The following KLHL20 variants were observed in gnomAD, a reference collection of about 807,000 sequenced individuals.
The protein encoded by KLHL20 is kelch like family member 20.
A neutral mutation model predicts 69.5 loss-of-function variants in KLHL20; 29 were observed. That is an observed-to-expected ratio of 0.42 (90% confidence interval 0.31 to 0.57). KLHL20 has a LOEUF of 0.57. KLHL20 is among the 20% of genes least tolerant of loss of function. KLHL20 has a pLI of 0.18. For synonymous variants in KLHL20, 253 were observed against 265.2 expected, an observed-to-expected ratio of 0.95 and a Z score of 0.45; for missense variants, 419 against 776.0, an observed-to-expected ratio of 0.54 and a Z score of 5.47.
chr1:173,756,940 A>T, intron 6 of KLHL20, 36 bp from the exon 7 acceptor site: 1 of 1,596,266 alleles, frequency 6.3e-7, no homozygotes, highest in Non-Finnish European at 8.6e-7. Context: ...ATGCTTCAGG[A>T]TAGGATTCTC....
intron 10 of KLHL20, among the ~76,000 whole-genome samples, chr1:173,780,125 T>G (rs1323030412): frequency 6.6e-6 from 1 of 152,188 alleles, no homozygotes; most frequent in Non-Finnish European, 1.5e-5. Flanking sequence ...GGAACACCAC[T>G]GGAAGGTGTC....
At chr1:173,735,799 C>T (rs748148024) in intron 3 of KLHL20, among the ~76,000 whole-genome samples, 27 of 152,188 alleles carry the variant, frequency 1.8e-4, no homozygotes, top group South Asian at 1.0e-3. Flanking sequence ...GTCATTCTTA[C>T]GACTTTGCAT....
intron 7 of KLHL20, among the ~76,000 whole-genome samples, chr1:173,765,205 A>T (rs1417895238): frequency 1.3e-5 from 2 of 152,198 alleles, no homozygotes; most frequent in South Asian, 2.1e-4. Flanking sequence ...TAGGATTTTT[A>T]AAAATTAAGC....
rs181238470 is a variant in KLHL20 at position 173,758,417 on chromosome 1, C to T, written c.1151+1258C>T. Among the ~76,000 whole-genome samples, 6 of 152,266 alleles carry T rather than the reference C, an allele frequency of 3.9e-5. No individual in the cohort carries two copies. The East Asian group carries it at 7.7e-4, about 20-fold the overall frequency. On this transcript the variant is annotated intron_variant, in intron 7 of 11. Coordinates refer to ENST00000209884, the MANE Select transcript of KLHL20 (RefSeq NM_014458.4). ...CTGAAGCTCCAGACCGGGCAACATG[C>T]GGAGGCTTGATTGCAAATGTTAGCT...
chr1:173,724,522 A>G (rs1370155693), intron 2 of KLHL20, among the ~76,000 whole-genome samples: 1 of 152,214 alleles, frequency 6.6e-6, no homozygotes, highest in Admixed American at 6.5e-5. Context: ...TTTTCTCTGC[A>G]TGTTTATATA....
intron 2 of KLHL20, among the ~76,000 whole-genome samples, chr1:173,729,473 A>C (rs567348363): frequency 2.0e-5 from 3 of 152,248 alleles, no homozygotes; most frequent in Non-Finnish European, 2.9e-5. Context: ...AAAACTTCTC[A>C]ATAAAATACT....
At chr1:173,748,264 GA>G (rs1463247915) in intron 3 of KLHL20, among the ~76,000 whole-genome samples, 14 of 152,052 alleles carry the variant, frequency 9.2e-5, no homozygotes, top group Non-Finnish European at 1.9e-4. Context: ...AAGTCTTTCA[GA>G]AAAGGAGAAT....
intron 3 of KLHL20, among the ~76,000 whole-genome samples, chr1:173,735,749 C>T (rs1277682037): frequency 6.6e-6 from 1 of 151,968 alleles, no homozygotes; most frequent in African/African-American, 2.4e-5. Context: ...ATCTCTCACC[C>T]ACCTCCCACA....
At chr1:173,784,505 C>T (rs904021103) in intron 11 of KLHL20, among the ~76,000 whole-genome samples, 1 of 152,148 alleles carries the variant, frequency 6.6e-6, no homozygotes, top group African/African-American at 2.4e-5. Flanking sequence ...AAGTAATAGT[C>T]ATGAAATTAT....
At chr1:173,775,436 T>A (rs1346380732) in intron 9 of KLHL20, among the ~76,000 whole-genome samples, 198 bp from the exon 10 acceptor site, 1 of 152,208 alleles carries the variant, frequency 6.6e-6, no homozygotes, top group Non-Finnish European at 1.5e-5. Flanking sequence ...CTTTCCACTG[T>A]ACCATACCTA....
chr1:173,775,124 C>G (rs143451756), intron 9 of KLHL20, among the ~76,000 whole-genome samples: 3 of 152,200 alleles, frequency 2.0e-5, no homozygotes, highest in Non-Finnish European at 4.4e-5. Context: ...TTTGTTATTC[C>G]TTTCTATTTA....
rs560049957 is a variant in KLHL20, at chr1:173,742,765, C to A, written c.597+8479C>A. Among the ~76,000 whole-genome samples, 5 of 150,228 alleles carry A rather than the reference C, an allele frequency of 3.3e-5. No homozygotes were observed. In the East Asian group the frequency reaches 7.8e-4, roughly 24 times the overall value. On this transcript the variant is annotated intron_variant, in intron 3 of 11. Transcript: ENST00000209884. ...ATATATGTAAATATGTATATATACA[C>A]GTATATTTCAGCATATATATATGCT...
intron 9 of KLHL20, among the ~76,000 whole-genome samples, chr1:173,775,196 CGTCTT>C (rs148297748): frequency 0.025 from 3,852 of 152,232 alleles, 175 homozygotes; most frequent in African/African-American, 0.089. Context: ...AGATTCGTCA[CGTCTT>C]GTCTTCTCTT....
chr1:173,773,431 TTAA>T (rs1289393705), intron 8 of KLHL20, among the ~76,000 whole-genome samples: 1 of 149,464 alleles, frequency 6.7e-6, no homozygotes, highest in East Asian at 2.0e-4. Flanking sequence ...TAAATAAATA[TTAA>T]TTAAATAAAT....
chr1:173,769,538 C>T (rs1647949256), intron 8 of KLHL20, among the ~76,000 whole-genome samples: 1 of 152,030 alleles, frequency 6.6e-6, no homozygotes, highest in Non-Finnish European at 1.5e-5. Flanking sequence ...CCCATAATCC[C>T]AACACTTTGG....
At chr1:173,777,090 T>C (rs1266997985) in intron 10 of KLHL20, among the ~76,000 whole-genome samples, 1 of 152,220 alleles carries the variant, frequency 6.6e-6, no homozygotes, top group Non-Finnish European at 1.5e-5. Context: ...CCTCTTCAAT[T>C]TCTTGCATCA....
chr1:173,729,020 G>A (rs1306186141), intron 2 of KLHL20, among the ~76,000 whole-genome samples: 11 of 151,950 alleles, frequency 7.2e-5, no homozygotes, highest in East Asian at 1.9e-4. Context: ...TCAAATAGAC[G>A]CAATAAAAAA....
chr1:173,746,914 T>C (rs899277662), intron 3 of KLHL20, among the ~76,000 whole-genome samples: 1 of 148,462 alleles, frequency 6.7e-6, no homozygotes, highest in Admixed American at 6.8e-5. Flanking sequence ...TTCTAGTCTT[T>C]AGTGCTTCAT....
intron 2 of KLHL20, among the ~76,000 whole-genome samples, chr1:173,724,024 C>T (rs1192822077): frequency 6.6e-6 from 1 of 152,042 alleles, no homozygotes; most frequent in African/African-American, 2.4e-5. Context: ...AATTGAGGTA[C>T]ATATTTTATG....
Sources: gnomAD v4.1 joint callset for allele counts (sites outside exome capture counted in the v4.1 genomes callset) on GRCh38, gnomAD v4.1.1 for gene constraint, MANE v1.5 for transcripts, NCBI Gene and HGNC (gene_info 2026-07-23, HGNC 2026-07-21) for gene names.